Variants in BRSK2 observed in about 807,000 individuals in gnomAD.
BRSK2 encodes serine/threonine-protein kinase BRSK2.
BRSK2 carries 19 observed loss-of-function variants against 83.3 expected under a neutral mutation model. That is an observed-to-expected ratio of 0.23 (90% CI 0.16 to 0.33). The LOEUF (loss-of-function observed/expected upper bound fraction) is 0.33, where lower values mean the gene tolerates loss of function less well. Among genes scored for constraint, BRSK2 ranks in the 10% least tolerant of loss-of-function variants. The pLI is 1.00. For synonymous variants in BRSK2, 519 were observed against 435.4 expected, an observed-to-expected ratio of 1.19 and a Z score of -2.39; for missense variants, 798 against 1,042.3, an observed-to-expected ratio of 0.77 and a Z score of 3.23.
chr11:1,461,185 C>A lies in BRSK2; in HGVS notation c.*462C>A, dbSNP rs1253746692. 8.8e-6 allele frequency: 7 copies of A among 791,670 alleles called. No homozygotes were observed. The Admixed American group carries it at 1.9e-4, about 21-fold the overall frequency. 49.0% of individuals were successfully genotyped at this position (791,670 alleles called of 1,614,324 possible). On this transcript the variant is annotated 3_prime_UTR_variant, in exon 20 of 20. Transcript: ENST00000528841. Reference sequence around the variant, plus strand: ...TCGGGGGAGCCTCCTCCAGCCCGGCCGACCCGGACTCCCGGTCACCTGACC... The same window carrying A: ...TCGGGGGAGCCTCCTCCAGCCCGGCAGACCCGGACTCCCGGTCACCTGACC...
intron 3 of BRSK2, among the ~76,000 whole-genome samples, chr11:1,439,162 G>C (rs1850787983): frequency 2.0e-5 from 3 of 152,200 alleles, no homozygotes; most frequent in African/African-American, 7.2e-5. Flanking sequence ...GAGGGAGCAG[G>C]GAACATACAG....
intron 1 of BRSK2, among the ~76,000 whole-genome samples, chr11:1,418,997 A>C (rs189841120): frequency 2.0e-5 from 3 of 152,124 alleles, no homozygotes; most frequent in Admixed American, 6.5e-5. Flanking sequence ...TAATTGATTG[A>C]TCGGTTGATT....
chr11:1,395,284 G>C (rs1448405469), intron 1 of BRSK2, among the ~76,000 whole-genome samples: 3 of 152,180 alleles, frequency 2.0e-5, no homozygotes, highest in African/African-American at 4.8e-5. Context: ...CGTGCACAGA[G>C]CCCGGGGAGC....
intron 1 of BRSK2, among the ~76,000 whole-genome samples, chr11:1,429,085 T>C (rs1849608474): frequency 7.1e-6 from 1 of 141,574 alleles, no homozygotes; most frequent in African/African-American, 2.7e-5. Flanking sequence ...GTGTGTGTCC[T>C]GGGTGCGTGC....
intron 1 of BRSK2, among the ~76,000 whole-genome samples, chr11:1,428,335 C>T (rs1267816619): frequency 6.6e-6 from 1 of 152,302 alleles, no homozygotes; most frequent in East Asian, 1.9e-4. Context: ...ATGCGGCAGG[C>T]CCACCCCCAG....
At position 1,440,873 on chromosome 11, in the gene BRSK2, A is replaced by C. The variant is rs1308797440; in HGVS notation, c.358A>C (p.Lys120Gln). 5.6e-6 allele frequency: 9 copies of C among 1,609,252 alleles called. No homozygotes were observed. Among genetic ancestry groups the C allele is most frequent in the Non-Finnish European group, 7.6e-6 (9 of 1,178,370 alleles). ...KGRLTPKEAR[K>Q]FFRQIISALD... The stretch of plus-strand genomic sequence containing the variant: ...GAGGCTGACGCCTAAGGAGGCTCGG[A>C]AGTTCTTCCGGCAGATCATCTCTGC... The change falls in exon 4 of 20, where the codon AAG (lysine) becomes CAG (glutamine). Residue 120 changes from lysine (K) to glutamine (Q), a missense_variant. Coordinates refer to ENST00000528841, the MANE Select transcript of BRSK2 (RefSeq NM_001256627.2).
At chr11:1,456,769 G>C in intron 18 of BRSK2, 82 bp downstream of exon 18, 1 of 1,437,528 alleles carries the variant, frequency 7.0e-7, no homozygotes, top group East Asian at 2.5e-5. Context: ...GGAGGCGTGA[G>C]GACCCGGGCG....
At chr11:1,415,386 G>A (rs1023100181) in intron 1 of BRSK2, among the ~76,000 whole-genome samples, 10 of 152,028 alleles carry the variant, frequency 6.6e-5, no homozygotes, top group Non-Finnish European at 1.5e-4. Context: ...GAGCCACTGC[G>A]CCTGGCCCTG....
At position 1,438,945 on chromosome 11, in the gene BRSK2, A is replaced by G. The variant is rs890548155; in HGVS notation, c.272+554A>G. Among the ~76,000 whole-genome samples the G allele has an allele frequency of 4.6e-5, 7 of 151,976 alleles. No individual in the cohort carries two copies. The highest frequency in any genetic ancestry group is 7.4e-5 in the Non-Finnish European group (5 of 67,974). On this transcript the variant is annotated intron_variant, in intron 3 of 19. Transcript: ENST00000528841. This position sits in a 1 kb window ranked among gnomAD's most constrained non-coding sequence, Gnocchi z 6.4. ...CTGGCTGTGAACCCCATCCCCCCAG[A>G]CCCAGCCTCAGGGAGCTCCTGGGAA...
intron 19 of BRSK2, 39 bp from the exon 20 acceptor site, chr11:1,460,456 TTTTCC>T (rs1278796505): frequency 6.1e-6 from 7 of 1,153,994 alleles, no homozygotes; most frequent in Admixed American, 1.0e-4. Context: ...TTTTTTTCTT[TTTTCC>T]TTTTTTTTTT....
chr11:1,392,338 G>GAT lies in BRSK2; in HGVS notation c.91+1963_91+1964insAT, dbSNP rs565156858. ...ACGATCTGATCCTGCCGTTGAGAAC[G>GAT]CTTCTCCTTCCAGGGACCTGGCCAC... On this transcript the variant is annotated intron_variant, in intron 1 of 19. Transcript: ENST00000528841. Among the ~76,000 whole-genome samples the GAT allele has an allele frequency of 7.5e-4, 115 of 152,350 alleles. No homozygotes were observed. The Middle Eastern group carries it at 0.027, about 36-fold the overall frequency.
Position 1,424,722 on chromosome 11 carries a change from T to C in BRSK2, c.92-11318T>C, listed in dbSNP as rs990022458. Reference sequence around the variant, plus strand: ...CAGGCTCAGGACCCGTTGGGACTGTTTGGACAGAGGGAGTCGGGGGGGCCA... The same window carrying C: ...CAGGCTCAGGACCCGTTGGGACTGTCTGGACAGAGGGAGTCGGGGGGGCCA... On this transcript the variant is annotated intron_variant, in intron 1 of 19. Transcript: ENST00000528841. Among the ~76,000 whole-genome samples the C allele has an allele frequency of 1.4e-4, 20 of 145,872 alleles. 1 individual carries two copies. The South Asian group carries it at 4.3e-3, about 32-fold the overall frequency.
At chr11:1,444,140 CA>C (rs2133105037) in intron 8 of BRSK2, among the ~76,000 whole-genome samples, 1 of 152,180 alleles carries the variant, frequency 6.6e-6, no homozygotes, top group East Asian at 1.9e-4. Flanking sequence ...ATAAGTTACA[CA>C]AAAGCACTGG....
intron 1 of BRSK2, among the ~76,000 whole-genome samples, chr11:1,418,001 A>C (rs1398515347): frequency 7.5e-6 from 1 of 134,198 alleles, no homozygotes; most frequent in South Asian, 2.4e-4. Context: ...AGAGTGGGTC[A>C]CCTGTGTCCT....
chr11:1,395,722 T>TCGTGCTGGC lies in BRSK2; in HGVS notation c.91+5358_91+5366dup, dbSNP rs549516493. Among the ~76,000 whole-genome samples the TCGTGCTGGC allele has an allele frequency of 4.5e-3, 689 of 152,278 alleles. 8 individuals are homozygous for TCGTGCTGGC. Among genetic ancestry groups the TCGTGCTGGC allele is most frequent in the African/African-American group, 0.016 (665 of 41,560 alleles). On this transcript the variant is annotated intron_variant, in intron 1 of 19. Transcript: ENST00000528841. ...GGCAGAGGGCACCGCCCGGCCCTGATCGTGCTGGCCGTGCTGGCCCTGCTC... is the reference window on the plus strand; with the variant it reads ...GGCAGAGGGCACCGCCCGGCCCTGATCGTGCTGGCCGTGCTGGCCGTGCTGGCCCTGCTC...
intron 1 of BRSK2, among the ~76,000 whole-genome samples, chr11:1,424,180 T>G (rs1356729755): frequency 6.6e-6 from 1 of 152,180 alleles, no homozygotes; most frequent in Non-Finnish European, 1.5e-5. Context: ...TCGGCACCCC[T>G]GTGGCCTCCG....
rs938459682 is a variant in BRSK2 at position 1,436,139 on chromosome 11, G to A, written c.186+5G>A. On this transcript the variant is annotated splice_donor_5th_base_variant and intron_variant, in intron 2 of 19. Transcript: ENST00000528841. ...AGCGAGTCGGTGCTGATGAAGGTGG[G>A]TGGGGCCGGGGAGGGAGGCGGGGCC... 6.4e-6 allele frequency: 9 copies of A among 1,407,862 alleles called. No homozygotes were observed. Among genetic ancestry groups the A allele is most frequent in the Admixed American group, 2.3e-5 (1 of 43,848 alleles). 87.2% of individuals were successfully genotyped at this position (1,407,862 alleles called of 1,614,324 possible).
chr11:1,444,171 T>C lies in BRSK2; in HGVS notation c.780+536T>C, dbSNP rs1397019787. 2.6e-5 allele frequency among the ~76,000 whole-genome samples: 4 copies of C among 152,068 alleles called. No individual in the cohort carries two copies. In the East Asian group the frequency reaches 7.7e-4, roughly 29 times the overall value. ...CACTGGTGCTTCCCCATCACGGCCA[T>C]CCTGCCTCCAGACGCTGCTGGGGCA... On this transcript the variant is annotated intron_variant, in intron 8 of 19. Coordinates refer to ENST00000528841, the MANE Select transcript of BRSK2 (RefSeq NM_001256627.2).
Position 1,461,202 on chromosome 11 carries a change from C to A in BRSK2, c.*479C>A. ...AGCCCGGCCGACCCGGACTCCCGGT[C>A]ACCTGACCCCTCAGCAAGAACAGCC... On this transcript the variant is annotated 3_prime_UTR_variant, in exon 20 of 20. Coordinates refer to ENST00000528841, the MANE Select transcript of BRSK2 (RefSeq NM_001256627.2). The A allele has an allele frequency of 1.4e-6, 1 of 691,050 alleles. No homozygotes were observed. The highest frequency in any genetic ancestry group is 2.3e-6 in the Non-Finnish European group (1 of 432,200). 42.8% of individuals were successfully genotyped at this position (691,050 alleles called of 1,614,324 possible).
Sources: gnomAD v4.1 joint callset for allele counts (sites outside exome capture counted in the v4.1 genomes callset) on GRCh38, gnomAD v4.1.1 for gene constraint, Gnocchi (gnomAD v3.1) non-coding constraint, MANE v1.5 for transcripts, NCBI Gene and HGNC (gene_info 2026-07-23, HGNC 2026-07-21) for gene names.